Variants in TTC28 observed in about 807,000 individuals in gnomAD.
The protein encoded by TTC28 is tetratricopeptide repeat domain 28.
A neutral mutation model predicts 198.0 loss-of-function variants in TTC28; 61 were observed. That is an observed-to-expected ratio of 0.31 (90% CI 0.25 to 0.38). TTC28 has a LOEUF of 0.38. TTC28 is among the 10% of genes least tolerant of loss of function. TTC28 has a pLI of 1.00. For missense variants in TTC28, 2,678 were observed against 3,164.0 expected (o/e 0.85, Z 3.69); for synonymous variants, 1,171 against 1,297.8 (o/e 0.90, Z 2.10).
intron 2 of TTC28, among the ~76,000 whole-genome samples, chr22:28,624,797 G>A (rs908276397): frequency 6.6e-6 from 1 of 151,942 alleles, no homozygotes; most frequent in African/African-American, 2.4e-5. Context: ...AAAAAAAAAG[G>A]CTACAGATCA....
At chr22:28,297,985 A>G in intron 3 of TTC28, 133 bp from the exon 4 acceptor site, 1 of 1,047,602 alleles carries the variant, frequency 9.5e-7, no homozygotes, top group Non-Finnish European at 1.4e-6. Context: ...AAACTCTTCA[A>G]CCTTTATTCT....
intron 2 of TTC28, among the ~76,000 whole-genome samples, chr22:28,379,075 A>C (rs539946903): frequency 6.6e-6 from 1 of 152,306 alleles, no homozygotes; most frequent in Admixed American, 6.5e-5. Context: ...TTCTCACTAG[A>C]AACAATATGA....
intron 12 of TTC28, among the ~76,000 whole-genome samples, chr22:28,080,741 T>C (rs1262370592): frequency 1.3e-5 from 2 of 152,220 alleles, no homozygotes; most frequent in Non-Finnish European, 2.9e-5. Flanking sequence ...TTCTGTATCA[T>C]AACCAATAAA....
intron 6 of TTC28, among the ~76,000 whole-genome samples, chr22:28,148,859 T>G (rs5997340): frequency 8.9e-4 from 135 of 152,202 alleles, no homozygotes; most frequent in African/African-American, 3.1e-3. Flanking sequence ...AAGGCACAAA[T>G]AGATGAACAT....
At chr22:28,183,518 T>C (rs903371173) in intron 5 of TTC28, among the ~76,000 whole-genome samples, 1 of 152,176 alleles carries the variant, frequency 6.6e-6, no homozygotes, top group Non-Finnish European at 1.5e-5. Flanking sequence ...TATCAGGCCA[T>C]TTCCCTGTCA....
chr22:28,368,784 A>C (rs917228961), intron 2 of TTC28, among the ~76,000 whole-genome samples: 2 of 152,068 alleles, frequency 1.3e-5, no homozygotes, highest in Non-Finnish European at 2.9e-5. Flanking sequence ...AAAAAAAGTA[A>C]TCTCATTTAT....
intron 2 of TTC28, among the ~76,000 whole-genome samples, chr22:28,540,584 AC>A (rs1168812162): frequency 6.6e-6 from 1 of 152,188 alleles, no homozygotes; most frequent in African/African-American, 2.4e-5. Flanking sequence ...AAAATCTAAT[AC>A]TTTAATACTG....
chr22:28,517,058 A>G (rs1385185337), intron 2 of TTC28, among the ~76,000 whole-genome samples: 1 of 152,230 alleles, frequency 6.6e-6, no homozygotes, highest in African/African-American at 2.4e-5. Flanking sequence ...TTGCACAGTT[A>G]GTAAATCGCA....
chr22:28,123,400 C>A (rs546652925), intron 6 of TTC28, among the ~76,000 whole-genome samples: 1 of 152,030 alleles, frequency 6.6e-6, no homozygotes, highest in South Asian at 2.1e-4. Flanking sequence ...GGACTACAAG[C>A]GCATGCCACC....
At chr22:28,533,505 T>G (rs1230682598) in intron 2 of TTC28, among the ~76,000 whole-genome samples, 1 of 152,188 alleles carries the variant, frequency 6.6e-6, no homozygotes, top group African/African-American at 2.4e-5. Context: ...ATAGATTCAA[T>G]GCCATCCCCA....
At chr22:28,639,442 T>C (rs1004196091) in intron 1 of TTC28, among the ~76,000 whole-genome samples, 2 of 152,208 alleles carry the variant, frequency 1.3e-5, no homozygotes, top group African/African-American at 2.4e-5. Context: ...AGATGCCATA[T>C]GGATGAGCAA....
At chr22:28,123,240 GT>G (rs896857365) in intron 6 of TTC28, among the ~76,000 whole-genome samples, 216 of 147,166 alleles carry the variant, frequency 1.5e-3, no homozygotes, top group African/African-American at 4.4e-3. Flanking sequence ...ACTGTTTCAG[GT>G]TTTTTTTTTT....
intron 12 of TTC28, among the ~76,000 whole-genome samples, chr22:28,092,535 G>A (rs1349905901): frequency 6.6e-6 from 1 of 152,152 alleles, no homozygotes; most frequent in Non-Finnish European, 1.5e-5. Flanking sequence ...GCCAAAGTCT[G>A]CCCTGCTGGC....
At chr22:28,059,133 T>A (rs1334176291) in intron 12 of TTC28, among the ~76,000 whole-genome samples, 1 of 151,942 alleles carries the variant, frequency 6.6e-6, no homozygotes, top group Non-Finnish European at 1.5e-5. Flanking sequence ...TTTTCTTCTT[T>A]CTACTTAATT....
In TTC28 at chr22:28,186,907, G is replaced by A. The variant is rs568170972; in HGVS notation, c.934-23308C>T. Among the ~76,000 whole-genome samples, 12 of 152,226 alleles carry A rather than the reference G, an allele frequency of 7.9e-5. No homozygotes were observed. In the South Asian group the frequency reaches 2.5e-3, roughly 32 times the overall value. On this transcript the variant is annotated intron_variant, in intron 5 of 22. Coordinates refer to ENST00000397906, the MANE Select transcript of TTC28 (RefSeq NM_001145418.2). The stretch of plus-strand genomic sequence containing the variant: ...GTTTCCTGTTCTGCCTTCTTTCCAA[G>A]AAAGTAGCAGCACATTTTCCCCACA...
Position 27,982,919 on chromosome 22 carries a change from T to C in TTC28, c.6748A>G (p.Ser2250Gly). The change falls in exon 23 of 23, where the codon AGC (serine) becomes GGC (glycine). Residue 2250 changes from serine (S) to glycine (G), a missense_variant. Physicochemically the swap from Ser to Gly is moderately conservative, Grantham distance 56. This residue lies in a region of TTC28 where 622 missense variants were observed against 656.0 expected (regional missense o/e 0.95). Transcript: ENST00000397906. This position sits in a 1 kb window ranked among gnomAD's most constrained non-coding sequence, Gnocchi z 5.2. ...GACATCTCTGAGGTGGTGGGGCTGC[T>C]ATATCCGGAACTCACCTTGGGCAGG... ...SSLPKVSSGY[S>G]SPTTSEMSIK... is the part of the protein sequence containing the mutation. 2.6e-6 allele frequency: 4 copies of C among 1,551,674 alleles called. No homozygotes were observed. Among genetic ancestry groups the C allele is most frequent in the Non-Finnish European group, 2.6e-6 (3 of 1,146,976 alleles).
Position 27,998,829 on chromosome 22 carries a change from G to T in TTC28, c.4830C>A (p.Asp1610Glu). The T allele has an allele frequency of 6.5e-7, 1 of 1,550,378 alleles. No individual in the cohort carries two copies. The highest frequency in any genetic ancestry group is 8.7e-7 in the Non-Finnish European group (1 of 1,147,000). ...TCACAGGCAGCTGCAGGTCCAGGAC[G>T]TCGGCGGCAGTAAGCAGCAGCTCCT... is the stretch of plus-strand genomic sequence containing the variant. ...PLQELLLTAA[D>E]VLDLQLPVKL... The change falls in exon 16 of 23, where the codon GAC becomes GAA. Residue 1610 changes from aspartate to glutamate, a missense_variant. Physicochemically the swap from Asp to Glu is conservative, Grantham distance 45 (BLOSUM62 2). Coordinates refer to ENST00000397906, the MANE Select transcript of TTC28 (RefSeq NM_001145418.2).
chr22:28,588,907 T>A (rs1418806391), intron 2 of TTC28, among the ~76,000 whole-genome samples: 2 of 152,200 alleles, frequency 1.3e-5, no homozygotes. Flanking sequence ...TTATCTCATC[T>A]AACACTGTTC....
intron 2 of TTC28, among the ~76,000 whole-genome samples, chr22:28,540,817 GA>G (rs550241184): frequency 6.6e-6 from 1 of 152,204 alleles, no homozygotes; most frequent in East Asian, 1.9e-4. Context: ...TTCTACAGGG[GA>G]AAAAATTGAT....
Sources: gnomAD v4.1 joint callset for allele counts (sites outside exome capture counted in the v4.1 genomes callset) on GRCh38, gnomAD v4.1.1 for gene constraint, gnomAD v4.1.1 regional missense constraint, Gnocchi (gnomAD v3.1) non-coding constraint, MANE v1.5 for transcripts, NCBI Gene and HGNC (gene_info 2026-07-23, HGNC 2026-07-21) for gene names.